Variants in CHD7 observed in about 807,000 individuals in gnomAD.
The protein encoded by CHD7 is ATP-dependent chromatin remodeler CHD7.
A neutral mutation model predicts 307.3 loss-of-function variants in CHD7; 24 were observed. The ratio of observed to expected loss-of-function variants is 0.08; its 90% CI spans 0.06 to 0.11. The LOEUF is 0.11. Among genes scored for constraint, CHD7 ranks in the 10% least tolerant of loss-of-function variants. The pLI, the probability that CHD7 is intolerant of heterozygous loss-of-function variation, is 1.00. For missense variants in CHD7, 3,106 were observed against 3,727.1 expected (o/e 0.83, Z 4.34); for synonymous variants, 1,363 against 1,349.9 (o/e 1.01, Z -0.21).
rs1811957489 is a variant in CHD7, at chr8:60,795,120, G to T, written c.2231G>T (p.Gly744Val). Reference protein sequence around the residue: ...SPPPEEDEDPGVQKRRSSRQV... With the variant: ...SPPPEEDEDPVVQKRRSSRQV... ...CCTCCTGAAGAAGATGAGGACCCAGGTGTTCAGGTAATACAATTATTGTGA... is the reference window on the plus strand; with the variant it reads ...CCTCCTGAAGAAGATGAGGACCCAGTTGTTCAGGTAATACAATTATTGTGA... The change falls in exon 4 of 38, where the codon GGT becomes GTT. Residue 744 changes from glycine to valine, a missense_variant. Coordinates refer to ENST00000423902, the MANE Select transcript of CHD7 (RefSeq NM_017780.4). 6.2e-7 allele frequency: 1 copy of T among 1,612,592 alleles called. No individual in the cohort carries two copies. The highest frequency in any genetic ancestry group is 8.5e-7 in the Non-Finnish European group (1 of 1,179,406).
In CHD7 at chr8:60,845,342, A is replaced by T; in HGVS notation, c.5143A>T (p.Ser1715Cys). Residue 1715 changes from serine to cysteine, a missense_variant, in exon 23 of 38, where the codon AGC (serine) becomes TGC (cysteine). Physicochemically the swap from Ser to Cys is moderately radical, Grantham distance 112. Around this residue, in one of 10 missense-constraint regions of CHD7, gnomAD observed 1,030 missense variants for 1,165.4 expected, o/e 0.88. Coordinates refer to ENST00000423902, the MANE Select transcript of CHD7 (RefSeq NM_017780.4). ...PVVQDADWLASCNPDALFQED... is the reference protein window; with the variant it reads ...PVVQDADWLACCNPDALFQED... ...GGTGCAGGATGCCGACTGGCTGGCC[A>T]GCTGCAACCCAGATGCCCTGTTCCA... The T allele has an allele frequency of 6.2e-7, 1 of 1,614,064 alleles. No individual in the cohort carries two copies. Among genetic ancestry groups the T allele is most frequent in the Non-Finnish European group, 8.5e-7 (1 of 1,179,898 alleles).
At position 60,806,021 on chromosome 8, in the gene CHD7, C is replaced by G. The variant is rs116166192; in HGVS notation, c.2443-2196C>G. Among the ~76,000 whole-genome samples the G allele has an allele frequency of 7.7e-3, 1,169 of 152,162 alleles. 13 individuals are homozygous for G. The highest frequency in any genetic ancestry group is 0.027 in the African/African-American group (1,110 of 41,500). ...CTCTTTTTCCCTGATCATCTACCAT[C>G]TTTTTGTCTTTCTGCTGGAAGTCTG... On this transcript the variant is annotated intron_variant, in intron 6 of 37. Transcript: ENST00000423902.
chr8:60,759,613 G>A (rs546139716), intron 2 of CHD7, among the ~76,000 whole-genome samples: 35 of 152,236 alleles, frequency 2.3e-4, no homozygotes, highest in Admixed American at 1.9e-3. Flanking sequence ...CTCCGTAATT[G>A]AGAGGTATTC....
chr8:60,856,892 A>T lies in CHD7; in HGVS notation c.7608+4A>T. 6.5e-7 allele frequency: 1 copy of T among 1,535,728 alleles called. No homozygotes were observed. The highest frequency in any genetic ancestry group is 1.4e-5 in the African/African-American group (1 of 72,388). ...CAAACGGACGTCATTGAGTGCAGTA[A>T]GTTGGGGAGCTTGCCTGCATGGCGA... On this transcript the variant is annotated splice_donor_region_variant and intron_variant, in intron 34 of 37. Transcript: ENST00000423902.
At chr8:60,705,782 A>C (rs1009171373) in intron 1 of CHD7, among the ~76,000 whole-genome samples, 2 of 152,246 alleles carry the variant, frequency 1.3e-5, no homozygotes, top group African/African-American at 4.8e-5. Flanking sequence ...AAACAGGGAG[A>C]AAAGTGAACT....
intron 1 of CHD7, among the ~76,000 whole-genome samples, chr8:60,685,442 C>G (rs767274032): frequency 2.0e-5 from 3 of 152,276 alleles, no homozygotes; most frequent in Middle Eastern, 6.8e-3. Flanking sequence ...TTTTGTTCTT[C>G]TGTATGTCCC....
At chr8:60,768,885 G>C (rs1810588705) in intron 2 of CHD7, among the ~76,000 whole-genome samples, 1 of 151,926 alleles carries the variant, frequency 6.6e-6, no homozygotes, top group Non-Finnish European at 1.5e-5. Context: ...CATAAATACT[G>C]CTAAAACACC....
At chr8:60,863,224 C>T (rs1218969001) in intron 37 of CHD7, 3 of 152,270 alleles carry the variant, frequency 2.0e-5, no homozygotes, top group Non-Finnish European at 2.9e-5. Flanking sequence ...CCCCCACCAC[C>T]CCGAGTTCCC....
Position 60,841,996 on chromosome 8 carries a change from A to G in CHD7, c.4794A>G (p.Ser1598=). The change falls in exon 21 of 38, where the codon TCA becomes TCG. Residue 1598 remains serine (S), a synonymous_variant. Transcript: ENST00000423902. ...AGCCACGGCGTCCCCAGGATAAGTC[A>G]CAGGGCTATGCAAGGAGTGAATGTT... ...CAKPRRPQDK[S]QGYARSECFR... 2 of 1,614,006 alleles carry G rather than the reference A, an allele frequency of 1.2e-6. No homozygotes were observed. The highest frequency in any genetic ancestry group is 1.7e-6 in the Non-Finnish European group (2 of 1,179,884).
intron 7 of CHD7, among the ~76,000 whole-genome samples, chr8:60,809,796 A>T (rs1253461306): frequency 6.6e-6 from 1 of 152,168 alleles, no homozygotes; most frequent in African/African-American, 2.4e-5. Context: ...ATACAATTTC[A>T]CATTTATAGA....
intron 13 of CHD7, 107 bp downstream of exon 13, chr8:60,824,123 G>T (rs1030024581): frequency 1.0e-6 from 1 of 965,590 alleles, no homozygotes; most frequent in Non-Finnish European, 1.6e-6. Flanking sequence ...TGAAAAGCTT[G>T]TCAAATATTG....
chr8:60,680,688 G>A (rs1805578492), intron 1 of CHD7, among the ~76,000 whole-genome samples: 1 of 152,132 alleles, frequency 6.6e-6, no homozygotes. Flanking sequence ...CTCACGCCTT[G>A]GTTTAAACTA....
Position 60,789,222 on chromosome 8 carries a change from G to C in CHD7, c.2097-5764G>C, listed in dbSNP as rs556934270. Among the ~76,000 whole-genome samples the C allele has an allele frequency of 3.9e-5, 6 of 152,302 alleles. No homozygotes were observed. In the East Asian group the frequency reaches 1.2e-3, roughly 29 times the overall value. Reference sequence around the variant, plus strand: ...AGTTGTATTTTGTCACAAACACCCTGCATCACATTCTGTGTGGCATCCCAT... The same window carrying C: ...AGTTGTATTTTGTCACAAACACCCTCCATCACATTCTGTGTGGCATCCCAT... On this transcript the variant is annotated intron_variant, in intron 3 of 37. Coordinates refer to ENST00000423902, the MANE Select transcript of CHD7 (RefSeq NM_017780.4).
At chr8:60,837,863 A>G (rs1804805785) in intron 18 of CHD7, 28 bp downstream of exon 18, 1 of 1,582,666 alleles carries the variant, frequency 6.3e-7, no homozygotes, top group African/African-American at 1.4e-5. Context: ...CAAACCATTT[A>G]TTTATTCTGG....
chr8:60,706,012 G>A (rs995685838), intron 1 of CHD7, among the ~76,000 whole-genome samples: 8 of 152,034 alleles, frequency 5.3e-5, no homozygotes, highest in African/African-American at 1.9e-4. Flanking sequence ...TTGATTCTAG[G>A]TCTTAGGACC....
chr8:60,728,903 T>G (rs1808304883), intron 1 of CHD7, among the ~76,000 whole-genome samples: 1 of 152,192 alleles, frequency 6.6e-6, no homozygotes. Context: ...TTGTACAGAT[T>G]ATTTCATCAC....
chr8:60,818,642 T>TA (rs1780559739), intron 8 of CHD7, among the ~76,000 whole-genome samples: 1 of 152,186 alleles, frequency 6.6e-6, no homozygotes, highest in African/African-American at 2.4e-5. Flanking sequence ...TTGAGACATA[T>TA]GTTTGTGTTT....
At chr8:60,794,960 A>G in intron 3 of CHD7, 26 bp from the exon 4 acceptor site, 1 of 1,604,440 alleles carries the variant, frequency 6.2e-7, no homozygotes, top group Non-Finnish European at 8.5e-7. Context: ...AAAAGTGAAC[A>G]CTAAGCGATC....
At chr8:60,745,281 C>T (rs1366183330) in intron 2 of CHD7, among the ~76,000 whole-genome samples, 7 of 152,214 alleles carry the variant, frequency 4.6e-5, no homozygotes, top group Non-Finnish European at 8.8e-5. Context: ...CCGACATCCT[C>T]TGTCTTCACC....
Sources: allele counts gnomAD v4.1 joint callset (sites outside exome capture counted in the v4.1 genomes callset), GRCh38; gene constraint gnomAD v4.1.1; regional missense constraint gnomAD v4.1.1; transcripts MANE v1.5; gene names NCBI Gene and HGNC (gene_info 2026-07-23, HGNC 2026-07-21).